CRY1: variants seen among roughly 807,000 people sequenced by gnomAD.
The protein encoded by CRY1 is cryptochrome circadian regulator 1, also known as cryptochrome-1.
CRY1 carries 45 observed loss-of-function variants against 76.0 expected under a neutral mutation model. The observed-to-expected ratio is 0.59, with a 90% CI of 0.47 to 0.76. CRY1 has a LOEUF of 0.76. Ranked by LOEUF, CRY1 falls within the 30% of genes least tolerant of loss-of-function variation. The pLI is 0.00. For synonymous variants in CRY1, 248 were observed against 244.0 expected (o/e 1.02, Z -0.15); for missense variants, 587 against 716.4 (o/e 0.82, Z 2.06).
chr12:107,013,099 T>G (rs1593502221), intron 2 of CRY1, among the ~76,000 whole-genome samples: 1 of 152,336 alleles, frequency 6.6e-6, no homozygotes. Flanking sequence ...AGTGGCAGGG[T>G]TTGAGAGGAC....
At chr12:107,082,975 A>G (rs950758446) in intron 1 of CRY1, among the ~76,000 whole-genome samples, 2 of 152,298 alleles carry the variant, frequency 1.3e-5, no homozygotes, top group Non-Finnish European at 2.9e-5. Flanking sequence ...AAGAGAGAAG[A>G]ATCAGATAGA....
In CRY1 at chr12:107,093,451, CCCGGGAGAAAGGA is replaced by C. The variant is rs1190249334; in HGVS notation, c.-503_-491del. ...CCCTGTCGGCGACGCTGTCTCTCGG[CCCGGGAGAAAGGA>C]CCGGGAACGGAGGCTAGAGGCGGTG... is the stretch of plus-strand genomic sequence containing the variant. On this transcript the variant is annotated 5_prime_UTR_variant, in exon 1 of 13. Transcript: ENST00000008527. 1 of 153,384 alleles carries C rather than the reference CCCGGGAGAAAGGA, an allele frequency of 6.5e-6. No individual in the cohort carries two copies. Among genetic ancestry groups the C allele is most frequent in the Non-Finnish European group, 1.5e-5 (1 of 68,738 alleles). 9.5% of individuals were successfully genotyped at this position (153,384 alleles called of 1,614,324 possible). A position where few individuals can be genotyped will look rare whatever the true frequency, so the allele number is the denominator to read the frequency against.
chr12:107,090,233 G>A (rs563551291), intron 1 of CRY1, among the ~76,000 whole-genome samples: 1 of 152,164 alleles, frequency 6.6e-6, no homozygotes, highest in Admixed American at 6.5e-5. Context: ...TGGGATTACA[G>A]GCATGTGCCA....
At chr12:107,063,946 G>C (rs951175892) in intron 1 of CRY1, among the ~76,000 whole-genome samples, 5 of 152,064 alleles carry the variant, frequency 3.3e-5, no homozygotes, top group Admixed American at 6.6e-5. Flanking sequence ...GGGGTTGGGG[G>C]GACAGGGGTT....
intron 1 of CRY1, among the ~76,000 whole-genome samples, chr12:107,023,430 C>T (rs948118308): frequency 6.6e-6 from 1 of 152,182 alleles, no homozygotes; most frequent in African/African-American, 2.4e-5. Flanking sequence ...AGTATAGCTA[C>T]AGAACATTTC....
intron 1 of CRY1, among the ~76,000 whole-genome samples, chr12:107,086,031 C>T (rs939134471): frequency 7.9e-5 from 12 of 151,716 alleles, no homozygotes; most frequent in Non-Finnish European, 1.3e-4. Context: ...AAAACTAAAA[C>T]AAAAAAATGG....
chr12:107,060,452 T>G (rs1953032629), intron 1 of CRY1, among the ~76,000 whole-genome samples: 1 of 152,246 alleles, frequency 6.6e-6, no homozygotes, highest in Admixed American at 6.5e-5. Flanking sequence ...ATCTTGGGAC[T>G]TCCCAGCCTC....
chr12:106,993,260 G>A (rs1485434016), intron 10 of CRY1, among the ~76,000 whole-genome samples: 3 of 151,844 alleles, frequency 2.0e-5, no homozygotes, highest in Non-Finnish European at 4.4e-5. Context: ...AATCATTGAT[G>A]ATCATTTTCT....
intron 1 of CRY1, among the ~76,000 whole-genome samples, chr12:107,076,618 G>GAAAA (rs58432343): frequency 1.0e-5 from 1 of 99,404 alleles, no homozygotes; most frequent in Non-Finnish European, 2.5e-5. Context: ...CTGCCTCAAA[G>GAAAA]AAAAAAAAAA....
intron 1 of CRY1, among the ~76,000 whole-genome samples, chr12:107,089,479 C>A (rs1953443711): frequency 6.6e-6 from 1 of 151,968 alleles, no homozygotes. Flanking sequence ...GGATTGCAGG[C>A]ATGAGACATT....
chr12:107,038,621 T>C (rs998487405), intron 1 of CRY1, among the ~76,000 whole-genome samples: 4 of 151,738 alleles, frequency 2.6e-5, no homozygotes, highest in Admixed American at 2.0e-4. Context: ...AGATGGAAAA[T>C]CGTAAGAGGG....
chr12:107,006,863 G>A (rs1340773675), intron 2 of CRY1, among the ~76,000 whole-genome samples: 2 of 152,058 alleles, frequency 1.3e-5, no homozygotes, highest in African/African-American at 4.8e-5. Flanking sequence ...TTTTGGCCAG[G>A]CTGGTCTCAA....
intron 2 of CRY1, among the ~76,000 whole-genome samples, chr12:107,009,350 G>C (rs1952412137): frequency 6.6e-6 from 1 of 151,468 alleles, no homozygotes; most frequent in African/African-American, 2.4e-5. Context: ...ACCACTCTGG[G>C]CAACATGGTG....
intron 1 of CRY1, among the ~76,000 whole-genome samples, chr12:107,076,958 G>A (rs1953262370): frequency 1.3e-5 from 2 of 152,088 alleles, no homozygotes; most frequent in Admixed American, 6.6e-5. Context: ...TAACCTTCCT[G>A]AGGCTCCCCA....
chr12:107,069,603 TATATATATAAAAAGTATATATATATAA>T, intron 1 of CRY1, among the ~76,000 whole-genome samples: 1 of 40,234 alleles, frequency 2.5e-5, no homozygotes, highest in Non-Finnish European at 7.8e-5. Flanking sequence ...ATATATAAAG[TATATATATAAAAAGTATATATATATAA>T]AGTATATATA....
At position 107,093,023 on chromosome 12, in the gene CRY1, C is replaced by A; in HGVS notation, c.-62G>T. 6.9e-7 allele frequency: 1 copy of A among 1,443,352 alleles called. No homozygotes were observed. The highest frequency in any genetic ancestry group is 1.5e-5 in the South Asian group (1 of 68,404). The allele number at this position is 1,443,352 out of a possible 1,614,324, so 89.4% of individuals were successfully genotyped here. ...AAGGAAGGAGGCTCCGGCTCATAGC[C>A]GACACCTTCGCTTCCAAGAGAATTG... On this transcript the variant is annotated 5_prime_UTR_variant, in exon 1 of 13. Transcript: ENST00000008527.
intron 1 of CRY1, among the ~76,000 whole-genome samples, chr12:107,085,909 A>G (rs961253084): frequency 2.0e-5 from 3 of 152,174 alleles, no homozygotes; most frequent in African/African-American, 7.2e-5. Flanking sequence ...AACCTCATAC[A>G]CAAGAAAAAC....
chr12:106,998,380 T>C (rs1041633918), intron 7 of CRY1, among the ~76,000 whole-genome samples: 2 of 152,162 alleles, frequency 1.3e-5, no homozygotes, highest in Non-Finnish European at 2.9e-5. Flanking sequence ...AGGATATTAT[T>C]AGTAGACACA....
intron 1 of CRY1, among the ~76,000 whole-genome samples, chr12:107,032,852 G>A (rs1465323217): frequency 1.3e-5 from 2 of 152,096 alleles, no homozygotes; most frequent in African/African-American, 4.8e-5. Flanking sequence ...AATACTTGAA[G>A]ACTTGAAATT....
Sources: allele counts gnomAD v4.1 joint callset (sites outside exome capture counted in the v4.1 genomes callset), GRCh38; gene constraint gnomAD v4.1.1; transcripts MANE v1.5; gene names NCBI Gene and HGNC (gene_info 2026-07-23, HGNC 2026-07-21).